The following CPNE1 variants were observed in gnomAD, a reference collection of about 807,000 sequenced individuals.
CPNE1 encodes copine 1.
Under a neutral mutation model 63.2 loss-of-function variants are expected in CPNE1, and 58 were observed. The observed-to-expected ratio is 0.92, with a 90% CI of 0.74 to 1.14. CPNE1 has a LOEUF of 1.14. Among genes scored for constraint, CPNE1 ranks in the 50% most tolerant of loss-of-function variants. CPNE1 has a pLI of 0.00. For missense variants in CPNE1, 672 were observed against 661.7 expected, an observed-to-expected ratio of 1.02 and a Z score of -0.17; for synonymous variants, 237 against 249.0, an observed-to-expected ratio of 0.95 and a Z score of 0.45.
chr20:35,652,987 A>G (rs923442563), intron 1 of CPNE1: 2 of 1,613,670 alleles, frequency 1.2e-6, no homozygotes, highest in Non-Finnish European at 1.7e-6. Context: ...TGGCCCACTT[A>G]AATTGTTTGG....
chr20:35,646,377 CTAAG>C lies in CPNE1; in HGVS notation c.1-13458_1-13455del, dbSNP rs145988466. On this transcript the variant is annotated intron_variant, in intron 1 of 15. Transcript: ENST00000397443. ...TATCATTTGATATGAAGCACAAACT[CTAAG>C]TGACAAGGCTTTTTTTTTTTTTTTT... Among the ~76,000 whole-genome samples the C allele has an allele frequency of 8.5e-3, 1,224 of 144,476 alleles. 13 individuals are homozygous for C. Among genetic ancestry groups the C allele is most frequent in the African/African-American group, 0.029 (1,153 of 39,092 alleles). The allele number at this position is 144,476 out of a possible 152,430, so 94.8% of individuals were successfully genotyped here.
chr20:35,652,497 C>T (rs758012995), intron 1 of CPNE1: 1 of 1,590,012 alleles, frequency 6.3e-7, no homozygotes, highest in African/African-American at 1.4e-5. Context: ...ATATGAAGAT[C>T]TACCCTATAA....
chr20:35,651,412 A>C (rs2033506934), intron 1 of CPNE1: 1 of 152,232 alleles, frequency 6.6e-6, no homozygotes, highest in Non-Finnish European at 1.5e-5. Context: ...TGATCGAACA[A>C]CTATGCCAAA....
At position 35,658,802 on chromosome 20, in the gene CPNE1, AACACAC is replaced by A. The variant is rs10542710; in HGVS notation, c.-1+5952_-1+5957del. The A allele has an allele frequency of 5.0e-3, 2,360 of 470,558 alleles. 6 individuals are homozygous for A. The highest frequency in any genetic ancestry group is 0.013 in the East Asian group (338 of 25,292). 29.1% of individuals were successfully genotyped at this position (470,558 alleles called of 1,614,324 possible). A position where few individuals can be genotyped will look rare whatever the true frequency, so the allele number is the denominator to read the frequency against. Reference sequence around the variant, plus strand: ...TCAAAACAAAAAACAAGCAAACAAAAACACACACACACACACACACACACACACACA... The same window carrying A: ...TCAAAACAAAAAACAAGCAAACAAAAACACACACACACACACACACACACA... On this transcript the variant is annotated intron_variant, in intron 1 of 15. Transcript: ENST00000397443.
intron 13 of CPNE1, 128 bp from the exon 14 acceptor site, chr20:35,627,541 AC>A: frequency 1.1e-6 from 1 of 927,924 alleles, no homozygotes; most frequent in South Asian, 1.8e-5. Context: ...ACCCTTGTAA[AC>A]CAGGGTACTT....
At chr20:35,662,409 T>C (rs2034281686) in intron 1 of CPNE1, among the ~76,000 whole-genome samples, 1 of 152,260 alleles carries the variant, frequency 6.6e-6, no homozygotes, top group Non-Finnish European at 1.5e-5. Flanking sequence ...TAGTAAAATC[T>C]GATAAAACTG....
chr20:35,652,935 A>G, intron 1 of CPNE1: 1 of 1,613,814 alleles, frequency 6.2e-7, no homozygotes, highest in Non-Finnish European at 8.5e-7. Context: ...CTAAGCTACC[A>G]GGGCCATTTC....
At chr20:35,654,793 C>T in intron 1 of CPNE1, 4 of 1,614,148 alleles carry the variant, frequency 2.5e-6, no homozygotes, top group Middle Eastern at 1.6e-4. Context: ...AGAGGCTGTG[C>T]TTGGAACAGT....
chr20:35,632,062 CAAA>C (rs1162128457), intron 5 of CPNE1, 37 bp from the exon 6 acceptor site: 8 of 1,609,376 alleles, frequency 5.0e-6, no homozygotes, highest in Non-Finnish European at 6.8e-6. Context: ...GACTCAGGAA[CAAA>C]CAACCATTAT....
intron 1 of CPNE1, among the ~76,000 whole-genome samples, chr20:35,633,959 C>CAA (rs34006508): frequency 2.4e-3 from 98 of 40,342 alleles, no homozygotes; most frequent in African/African-American, 7.2e-3. Context: ...GATTCCGTCT[C>CAA]AAAAAAAAAA....
At chr20:35,646,292 T>G (rs1431290568) in intron 1 of CPNE1, among the ~76,000 whole-genome samples, 1 of 134,514 alleles carries the variant, frequency 7.4e-6, no homozygotes, top group Non-Finnish European at 1.6e-5. Context: ...ACAAAAAAAC[T>G]ATTTAACCCT....
At chr20:35,653,841 G>C in intron 1 of CPNE1, 1 of 1,613,838 alleles carries the variant, frequency 6.2e-7, no homozygotes. Flanking sequence ...GATTGCCCAT[G>C]TACTGTTTAT....
rs117898158 is a variant in CPNE1 at position 35,646,673 on chromosome 20, G to T, written c.1-13750C>A. Reference sequence around the variant, plus strand: ...TTACTATATAAGCAAGCAAAGGGAGGAAATGAACAGCAGCAGAATGGAGGT... The same window carrying T: ...TTACTATATAAGCAAGCAAAGGGAGTAAATGAACAGCAGCAGAATGGAGGT... On this transcript the variant is annotated intron_variant, in intron 1 of 15. Transcript: ENST00000397443. Among the ~76,000 whole-genome samples the T allele has an allele frequency of 1.8e-3, 270 of 152,250 alleles. 7 individuals are homozygous for T. In the East Asian group the frequency reaches 0.043, roughly 25 times the overall value.
intron 1 of CPNE1, chr20:35,652,339 C>T: frequency 3.1e-6 from 2 of 645,054 alleles, no homozygotes; most frequent in Non-Finnish European, 5.2e-6. Flanking sequence ...CTGTAACATA[C>T]AGCAATGTTT....
At chr20:35,650,800 T>C (rs2033453053) in intron 1 of CPNE1, 1 of 152,634 alleles carries the variant, frequency 6.6e-6, no homozygotes, top group African/African-American at 2.4e-5. Context: ...TGTATTTCAG[T>C]GTTCCACTGA....
intron 1 of CPNE1, chr20:35,655,376 G>A: frequency 6.6e-7 from 1 of 1,524,200 alleles, no homozygotes; most frequent in Non-Finnish European, 8.8e-7. Context: ...GGCCAGGTCA[G>A]ACTCCTGTTT....
Position 35,632,172 on chromosome 20 carries a change from T to C in CPNE1, c.447A>G (p.Leu149=), listed in dbSNP as rs2065124575. ...VVTMEVEARN[L]DKKDFLGKSD... ...CTACTTCCAGACACACCTTCTTATC[T>C]AGGTTTCTGGCCTCTACCTCCATGG... The change falls in exon 5 of 16, where the codon CTA becomes CTG. Residue 149 remains leucine, a synonymous_variant. Coordinates refer to ENST00000397443, the MANE Select transcript of CPNE1 (RefSeq NM_152925.3). The C allele has an allele frequency of 1.9e-6, 3 of 1,613,964 alleles. No homozygotes were observed.
At chr20:35,650,274 G>A (rs1033685293) in intron 1 of CPNE1, 18 of 152,082 alleles carry the variant, frequency 1.2e-4, no homozygotes, top group Admixed American at 9.8e-4. Context: ...CAATGAAATC[G>A]TTTTCCTTTT....
chr20:35,659,606 G>A (rs1327961866), intron 1 of CPNE1, among the ~76,000 whole-genome samples: 1 of 152,084 alleles, frequency 6.6e-6, no homozygotes, highest in African/African-American at 2.4e-5. Flanking sequence ...AAAATATTAA[G>A]GGAAAGTGTT....
Sources: allele counts gnomAD v4.1 joint callset (sites outside exome capture counted in the v4.1 genomes callset), GRCh38; gene constraint gnomAD v4.1.1; transcripts MANE v1.5; gene names NCBI Gene and HGNC (gene_info 2026-07-23, HGNC 2026-07-21).